The following SLC9A2 variants were observed in gnomAD, a reference collection of about 807,000 sequenced individuals.
SLC9A2 encodes the protein solute carrier family 9 member A2, also known as sodium/hydrogen exchanger 2.
A neutral mutation model predicts 71.7 loss-of-function variants in SLC9A2; 42 were observed. The ratio of observed to expected loss-of-function variants is 0.59; its 90% CI spans 0.46 to 0.76. The LOEUF (loss-of-function observed/expected upper bound fraction) is 0.76. Ranked by LOEUF, SLC9A2 falls within the 30% of genes least tolerant of loss-of-function variation. SLC9A2 has a pLI of 0.00. For missense variants in SLC9A2, 829 were observed against 1,017.4 expected (o/e 0.81, Z 2.52); for synonymous variants, 396 against 392.5 (o/e 1.01, Z -0.10).
chr2:102,695,923 A>T (rs1260222890), intron 7 of SLC9A2, among the ~76,000 whole-genome samples: 1 of 151,072 alleles, frequency 6.6e-6, no homozygotes, highest in Non-Finnish European at 1.5e-5. Flanking sequence ...TCTGTGTTGG[A>T]TAAATACAAT....
intron 7 of SLC9A2, among the ~76,000 whole-genome samples, chr2:102,698,648 ACT>A (rs1325498711): frequency 6.6e-6 from 1 of 151,960 alleles, no homozygotes; most frequent in African/African-American, 2.4e-5. Flanking sequence ...GAGTGAGGTG[ACT>A]CTGCTCCATG....
chr2:102,662,519 G>C (rs67422894), intron 2 of SLC9A2, among the ~76,000 whole-genome samples: 11,335 of 152,246 alleles, frequency 0.074, 661 homozygotes, highest in African/African-American at 0.16. Flanking sequence ...GAGATCATCT[G>C]TGGTGCAGGA....
chr2:102,633,645 A>T (rs940037970), intron 1 of SLC9A2, among the ~76,000 whole-genome samples: 5 of 152,196 alleles, frequency 3.3e-5, no homozygotes, highest in African/African-American at 1.2e-4. Context: ...AGAGCTAAGG[A>T]AAAGGTAAGG....
chr2:102,692,394 G>T (rs1677681176), intron 5 of SLC9A2, among the ~76,000 whole-genome samples: 1 of 152,174 alleles, frequency 6.6e-6, no homozygotes, highest in South Asian at 2.1e-4. Context: ...AAGTCTGAAA[G>T]ACATGAGGAA....
chr2:102,645,109 A>G (rs1676694133), intron 1 of SLC9A2, among the ~76,000 whole-genome samples: 1 of 152,214 alleles, frequency 6.6e-6, no homozygotes, highest in Admixed American at 6.5e-5. Context: ...AGGAGCAGGC[A>G]CCAATCTTTG....
intron 3 of SLC9A2, among the ~76,000 whole-genome samples, chr2:102,682,391 G>A (rs1677470070): frequency 6.6e-6 from 1 of 152,184 alleles, no homozygotes; most frequent in Non-Finnish European, 1.5e-5. Context: ...ATACAGCGGA[G>A]GCACATGGTG....
intron 6 of SLC9A2, 78 bp from the exon 7 acceptor site, chr2:102,694,965 T>C (rs1677726922): frequency 8.1e-7 from 1 of 1,231,076 alleles, no homozygotes; most frequent in African/African-American, 1.5e-5. Context: ...TCTTTGGAGT[T>C]TAGAAATGAT....
intron 3 of SLC9A2, among the ~76,000 whole-genome samples, chr2:102,668,810 T>G (rs2104528620): frequency 6.6e-6 from 1 of 152,326 alleles, no homozygotes; most frequent in South Asian, 2.1e-4. Flanking sequence ...CTCCTCCACC[T>G]TCTACCATTC....
rs531678646 is a variant in SLC9A2, at chr2:102,649,134, C to A, written c.290-8430C>A. Among the ~76,000 whole-genome samples, 4 of 152,220 alleles carry A rather than the reference C, an allele frequency of 2.6e-5. No individual in the cohort carries two copies. The South Asian group carries it at 8.3e-4, about 32-fold the overall frequency. On this transcript the variant is annotated intron_variant, in intron 1 of 11. Transcript: ENST00000233969. ...CTGATACCAAAATAGGTATATAAACCAATGGAACAGAACAGAGGCCTCAGA... is the reference window on the plus strand; with the variant it reads ...CTGATACCAAAATAGGTATATAAACAAATGGAACAGAACAGAGGCCTCAGA...
intron 7 of SLC9A2, among the ~76,000 whole-genome samples, chr2:102,699,353 G>A (rs1358585194): frequency 6.6e-6 from 1 of 152,174 alleles, no homozygotes; most frequent in African/African-American, 2.4e-5. Context: ...CTAAGGAAGA[G>A]GGGCACAGTA....
At chr2:102,701,043 A>G in intron 7 of SLC9A2, 27 bp from the exon 8 acceptor site, 2 of 1,488,150 alleles carry the variant, frequency 1.3e-6, no homozygotes, top group Non-Finnish European at 1.8e-6. Flanking sequence ...TCCAGTATTA[A>G]TTTATTGAAA....
At chr2:102,632,991 A>G (rs1488890735) in intron 1 of SLC9A2, among the ~76,000 whole-genome samples, 1 of 152,150 alleles carries the variant, frequency 6.6e-6, no homozygotes, top group East Asian at 1.9e-4. Flanking sequence ...AGGAAACCTG[A>G]GCAGGGTAAT....
chr2:102,695,398 C>A (rs973503834), intron 7 of SLC9A2, among the ~76,000 whole-genome samples: 1 of 152,094 alleles, frequency 6.6e-6, no homozygotes. Flanking sequence ...TCTGTCTAGT[C>A]GATCCACTAA....
chr2:102,692,341 GTA>G (rs779975375), intron 5 of SLC9A2, among the ~76,000 whole-genome samples: 14 of 152,276 alleles, frequency 9.2e-5, no homozygotes, highest in Middle Eastern at 3.4e-3. Context: ...AAATGGATGT[GTA>G]TGTGTGTCTC....
intron 3 of SLC9A2, among the ~76,000 whole-genome samples, chr2:102,669,308 A>T (rs1677200602): frequency 6.6e-6 from 1 of 152,216 alleles, no homozygotes; most frequent in Non-Finnish European, 1.5e-5. Flanking sequence ...AATGATTTAC[A>T]CTTATGTTTT....
At chr2:102,624,007 A>C (rs1433877423) in intron 1 of SLC9A2, among the ~76,000 whole-genome samples, 3 of 152,190 alleles carry the variant, frequency 2.0e-5, no homozygotes, top group Non-Finnish European at 2.9e-5. Context: ...GCATTGAATG[A>C]TTCAGCTTAG....
intron 1 of SLC9A2, among the ~76,000 whole-genome samples, chr2:102,628,379 G>A (rs1048047016): frequency 4.6e-5 from 7 of 152,028 alleles, no homozygotes; most frequent in African/African-American, 1.7e-4. Flanking sequence ...TCTCATCTCA[G>A]GATGCTCAGA....
rs1454765141 is a variant in SLC9A2, at chr2:102,638,231, C to T, written c.289+18094C>T. The stretch of plus-strand genomic sequence containing the variant: ...TGAAATTTTGCTTCTTGTCTTTATA[C>T]CTGGGTATATTTAAAAGGGCTGAGC... On this transcript the variant is annotated intron_variant, in intron 1 of 11. Transcript: ENST00000233969. Among the ~76,000 whole-genome samples, 4 of 152,040 alleles carry T rather than the reference C, an allele frequency of 2.6e-5. No individual in the cohort carries two copies. In the East Asian group the frequency reaches 7.7e-4, roughly 29 times the overall value.
At chr2:102,677,255 T>C (rs1677360164) in intron 3 of SLC9A2, among the ~76,000 whole-genome samples, 2 of 151,712 alleles carry the variant, frequency 1.3e-5, no homozygotes, top group Non-Finnish European at 1.5e-5. Flanking sequence ...ACAAATCATT[T>C]AAGTAGAAAG....
Sources: allele counts gnomAD v4.1 joint callset (sites outside exome capture counted in the v4.1 genomes callset), GRCh38; gene constraint gnomAD v4.1.1; transcripts MANE v1.5; gene names NCBI Gene and HGNC (gene_info 2026-07-23, HGNC 2026-07-21).